The following TENM4 variants were observed in gnomAD, a reference collection of about 807,000 sequenced individuals.
TENM4 encodes the protein teneurin-4.
Under a neutral mutation model 243.3 loss-of-function variants are expected in TENM4, and 82 were observed. The ratio of observed to expected loss-of-function variants is 0.34; its 90% CI spans 0.28 to 0.40. TENM4 has a LOEUF of 0.40. TENM4 is among the 10% of genes least tolerant of loss of function. TENM4 has a pLI of 1.00. For missense variants in TENM4, 3,138 were observed against 3,673.3 expected (o/e 0.85, Z 3.77); for synonymous variants, 1,412 against 1,456.3 (o/e 0.97, Z 0.69).
At chr11:78,877,682 G>A (rs1859304043) in intron 9 of TENM4, among the ~76,000 whole-genome samples, 2 of 152,276 alleles carry the variant, frequency 1.3e-5, no homozygotes, top group Admixed American at 1.3e-4. Flanking sequence ...AGGAGAGTGT[G>A]TTGTTTCTGC....
intron 4 of TENM4, among the ~76,000 whole-genome samples, chr11:79,109,358 T>G (rs181668594): frequency 4.6e-5 from 7 of 152,102 alleles, no homozygotes; most frequent in African/African-American, 1.7e-4. Flanking sequence ...GGCAGCCAGG[T>G]GAGGGGAGCT....
At chr11:79,218,811 A>G (rs1864106213) in intron 2 of TENM4, among the ~76,000 whole-genome samples, 1 of 152,222 alleles carries the variant, frequency 6.6e-6, no homozygotes, top group African/African-American at 2.4e-5. Flanking sequence ...GTTGCTGGAA[A>G]GTTTTTAAAA....
chr11:79,142,934 A>G (rs1025709311), intron 4 of TENM4, among the ~76,000 whole-genome samples: 1 of 152,142 alleles, frequency 6.6e-6, no homozygotes, highest in Non-Finnish European at 1.5e-5. Flanking sequence ...AATGCTCATC[A>G]TCACTGGCCA....
At chr11:79,151,994 C>T (rs1862520743) in intron 3 of TENM4, among the ~76,000 whole-genome samples, 1 of 152,088 alleles carries the variant, frequency 6.6e-6, no homozygotes, top group Non-Finnish European at 1.5e-5. Flanking sequence ...TGACATTGTC[C>T]TTGAATGGAG....
chr11:79,078,369 A>G (rs1289711247), intron 4 of TENM4, among the ~76,000 whole-genome samples: 2 of 152,058 alleles, frequency 1.3e-5, no homozygotes, highest in African/African-American at 4.8e-5. Context: ...GTGTGTGTGT[A>G]TGTGTAAAAT....
intron 6 of TENM4, chr11:78,903,847 G>A (rs1334944651): frequency 1.7e-6 from 1 of 604,100 alleles, no homozygotes; most frequent in Admixed American, 2.1e-5. Context: ...TTTAGGACGT[G>A]GTTTTTAAAG....
At chr11:79,390,971 T>C (rs189373006) in intron 1 of TENM4, among the ~76,000 whole-genome samples, 21 of 152,338 alleles carry the variant, frequency 1.4e-4, no homozygotes, top group African/African-American at 4.8e-4. Flanking sequence ...TTCTTGCCAG[T>C]CTAACTCTTG....
intron 28 of TENM4, among the ~76,000 whole-genome samples, chr11:78,693,726 C>T (rs1010998753): frequency 1.3e-5 from 2 of 152,108 alleles, no homozygotes; most frequent in Admixed American, 6.5e-5. Flanking sequence ...ATAAAACATT[C>T]ATATAGGCCA....
chr11:79,317,727 C>T (rs919596485), intron 1 of TENM4, among the ~76,000 whole-genome samples: 2 of 152,224 alleles, frequency 1.3e-5, no homozygotes, highest in Non-Finnish European at 2.9e-5. Flanking sequence ...CAAGAGTCAA[C>T]TCATTGAACT....
At chr11:79,191,784 G>A (rs1339588545) in intron 3 of TENM4, 14 of 193,370 alleles carry the variant, frequency 7.2e-5, no homozygotes, top group Middle Eastern at 2.1e-3. Flanking sequence ...CCGCGACCCC[G>A]TCTGGGAGGT....
intron 6 of TENM4, among the ~76,000 whole-genome samples, chr11:78,934,682 C>T (rs1050345998): frequency 2.0e-5 from 3 of 152,136 alleles, no homozygotes. Context: ...CAGCCATTAC[C>T]TAGAGCAAGC....
chr11:79,336,116 T>C (rs1857142805), intron 1 of TENM4, among the ~76,000 whole-genome samples: 1 of 152,326 alleles, frequency 6.6e-6, no homozygotes, highest in Middle Eastern at 3.4e-3. Flanking sequence ...TAGCTAGATC[T>C]GAACTAAATG....
At chr11:79,198,789 C>T (rs1360740602) in intron 3 of TENM4, among the ~76,000 whole-genome samples, 7 of 152,298 alleles carry the variant, frequency 4.6e-5, no homozygotes, top group South Asian at 2.1e-4. Context: ...CCTGCCCTTG[C>T]GGAGCTTTCC....
chr11:79,283,213 A>AACACACACAC (rs33993080), intron 2 of TENM4, among the ~76,000 whole-genome samples: 9 of 136,036 alleles, frequency 6.6e-5, no homozygotes, highest in East Asian at 2.2e-4. Flanking sequence ...CACACACACA[A>AACACACACAC]ACACACACAC....
chr11:79,117,596 C>G (rs1423178616), intron 4 of TENM4, among the ~76,000 whole-genome samples: 1 of 152,218 alleles, frequency 6.6e-6, no homozygotes, highest in East Asian at 1.9e-4. Context: ...ACAAACTTCT[C>G]ATTGCCTCAA....
chr11:78,865,658 C>T (rs1565413580), intron 9 of TENM4, among the ~76,000 whole-genome samples: 1 of 152,172 alleles, frequency 6.6e-6, no homozygotes. Flanking sequence ...GCACAGCATA[C>T]CCGTTTGACT....
At chr11:78,838,478 C>T (rs888892090) in intron 12 of TENM4, among the ~76,000 whole-genome samples, 1 of 152,148 alleles carries the variant, frequency 6.6e-6, no homozygotes, top group African/African-American at 2.4e-5. Context: ...AAGTCCTCTT[C>T]GACCCAGAGA....
intron 6 of TENM4, among the ~76,000 whole-genome samples, chr11:79,028,856 T>G (rs2136842117): frequency 6.6e-6 from 1 of 152,262 alleles, no homozygotes; most frequent in African/African-American, 2.4e-5. Flanking sequence ...TTTTTTGAGT[T>G]CAATTTTAGA....
intron 1 of TENM4, among the ~76,000 whole-genome samples, chr11:79,341,558 A>G (rs969547673): frequency 6.6e-6 from 1 of 152,238 alleles, no homozygotes; most frequent in Non-Finnish European, 1.5e-5. Flanking sequence ...ACTTGAACTC[A>G]GCACACACTG....
Sources: allele counts gnomAD v4.1 joint callset (sites outside exome capture counted in the v4.1 genomes callset), GRCh38; gene constraint gnomAD v4.1.1; transcripts MANE v1.5; gene names NCBI Gene and HGNC (gene_info 2026-07-23, HGNC 2026-07-21).